RBM10: variants seen among roughly 807,000 people sequenced by gnomAD.
The protein encoded by RBM10 is RNA-binding protein 10.
RBM10 carries 1 observed loss-of-function variant against 84.9 expected under a neutral mutation model. The observed-to-expected ratio is 0.01, with a 90% confidence interval of 0.00 to 0.06. The LOEUF is 0.06. RBM10 is among the 10% of genes least tolerant of loss of function. The pLI is 1.00. For synonymous variants in RBM10, 326 were observed against 344.5 expected, an observed-to-expected ratio of 0.95 and a Z score of 0.60; for missense variants, 438 against 839.0, an observed-to-expected ratio of 0.52 and a Z score of 5.90.
At chrX:47,155,385 A>T (rs1437524407) in intron 2 of RBM10, among the ~76,000 whole-genome samples, 1 of 110,781 alleles carries the variant, frequency 9.0e-6, no homozygotes, top group African/African-American at 3.3e-5. Flanking sequence ...ACTTATCTTT[A>T]TGGTGTTTTC....
rs2147212073 is a variant in RBM10 at position 47,185,223 on chromosome X, C to G, written c.2100+19C>G. 1 of 1,212,467 alleles carries G rather than the reference C, an allele frequency of 8.2e-7. No homozygotes were observed. Among genetic ancestry groups the G allele is most frequent in the Non-Finnish European group, 1.1e-6 (1 of 895,599 alleles). ...GAAGAAGGTGTGTTGGGGCCACCCCCCTGCACCCTGCCCCACAATCTTGTC... is the reference window on the plus strand; with the variant it reads ...GAAGAAGGTGTGTTGGGGCCACCCCGCTGCACCCTGCCCCACAATCTTGTC... On this transcript the variant is annotated intron_variant, in intron 18 of 23. Transcript: ENST00000377604.
chrX:47,168,610 C>T lies in RBM10; in HGVS notation c.18-705C>T, dbSNP rs1448969709. Among the ~76,000 whole-genome samples the T allele has an allele frequency of 9.0e-5, 10 of 110,660 alleles. No homozygotes were observed. In the Admixed American group the frequency reaches 9.7e-4, roughly 11 times the overall value. On this transcript the variant is annotated intron_variant, in intron 2 of 23. Coordinates refer to ENST00000377604, the MANE Select transcript of RBM10 (RefSeq NM_005676.5). ...TGAGATCATTATTTTACAGTTATTG[C>T]GGTAGGAGAAATTTTAATGAAAGAG...
rs376441587 is a variant in RBM10 at position 47,161,536 on chromosome X, T to TGAGAGAGA, written c.18-7761_18-7754dup. Among the ~76,000 whole-genome samples, 176 of 62,161 alleles carry TGAGAGAGA rather than the reference T, an allele frequency of 2.8e-3. 2 individuals carry two copies. Among genetic ancestry groups the TGAGAGAGA allele is most frequent in the African/African-American group, 9.7e-3 (133 of 13,765 alleles). 54.0% of individuals were successfully genotyped at this position (62,161 alleles called of 115,157 possible). On this transcript the variant is annotated intron_variant, in intron 2 of 23. Transcript: ENST00000377604. ...TAGTTTTTTTTTTTTTTTTTTTTAGTGAGAGAGAGAGAGAGAGAGAGAGAG... is the reference window on the plus strand; with the variant it reads ...TAGTTTTTTTTTTTTTTTTTTTTAGTGAGAGAGAGAGAGAGAGAGAGAGAGAGAGAGAG...
In RBM10 at chrX:47,179,460, A is replaced by C; in HGVS notation, c.866A>C (p.Gln289Pro). The C allele has an allele frequency of 1.7e-6, 2 of 1,202,689 alleles. No individual in the cohort carries two copies. Among genetic ancestry groups the C allele is most frequent in the Non-Finnish European group, 2.2e-6 (2 of 894,675 alleles). ...QGVLASQALS[Q>P]GSEPSSENAN... ...GTCCTGGCCTCCCAAGCCCTGTCAC[A>C]GGGCTCGGAGCCAAGCTCAGAGAAC... The change falls in exon 9 of 24, where the codon CAG becomes CCG. Residue 289 changes from glutamine to proline, a missense_variant. Coordinates refer to ENST00000377604, the MANE Select transcript of RBM10 (RefSeq NM_005676.5).
At chrX:47,175,955 G>A (rs1045356148) in intron 6 of RBM10, among the ~76,000 whole-genome samples, 5 of 112,787 alleles carry the variant, frequency 4.4e-5, no homozygotes, top group South Asian at 7.2e-4. Flanking sequence ...CCCTGGGGCC[G>A]TCTCCTCGGG....
intron 2 of RBM10, among the ~76,000 whole-genome samples, chrX:47,156,099 G>A (rs1336309849): frequency 9.1e-6 from 1 of 110,222 alleles, no homozygotes; most frequent in Non-Finnish European, 1.9e-5. Context: ...GTGAGCCACC[G>A]TGCCCAGCCC....
rs1935946232 is a variant in RBM10, at chrX:47,186,765, T to A, written c.*166T>A. 1 of 653,147 alleles carries A rather than the reference T, an allele frequency of 1.5e-6. No individual in the cohort carries two copies. Among genetic ancestry groups the A allele is most frequent in the African/African-American group, 2.2e-5 (1 of 45,764 alleles). The allele number at this position is 653,147 out of a possible 1,213,427, so 53.8% of individuals were successfully genotyped here. On this transcript the variant is annotated 3_prime_UTR_variant, in exon 24 of 24. Transcript: ENST00000377604. ...TGAGGTGGTGACTTTTGTTGGAAAA[T>A]TGGGCTGGGATCACGTCCTGTTTTG... is the stretch of plus-strand genomic sequence containing the variant.
intron 17 of RBM10, among the ~76,000 whole-genome samples, chrX:47,182,568 G>A (rs782496413): frequency 2.6e-5 from 3 of 113,407 alleles, no homozygotes; most frequent in East Asian, 5.6e-4. Flanking sequence ...TGTGCCATCC[G>A]AGTGAGCCCT....
chrX:47,154,288 T>TA (rs1291974557), intron 2 of RBM10, among the ~76,000 whole-genome samples: 1 of 111,642 alleles, frequency 9.0e-6, no homozygotes, highest in Non-Finnish European at 1.9e-5. Context: ...TCTATCCAAA[T>TA]ATGTTCCCTT....
chrX:47,174,927 C>T (rs1446809206), intron 5 of RBM10, 92 bp from the exon 6 acceptor site: 14 of 664,592 alleles, frequency 2.1e-5, no homozygotes, highest in African/African-American at 4.3e-5. Context: ...CTCTGCCCCC[C>T]GTCCTCTCCC....
In RBM10 at chrX:47,145,325, G is replaced by A; in HGVS notation, c.-286G>A. On this transcript the variant is annotated 5_prime_UTR_variant, in exon 1 of 24. Transcript: ENST00000377604. ...TAGGCGGCAGTGAGTTTCCCTGGGAGGGCAGCGCGCTTGGCGCTTCTCCCC... is the reference window on the plus strand; with the variant it reads ...TAGGCGGCAGTGAGTTTCCCTGGGAAGGCAGCGCGCTTGGCGCTTCTCCCC... 5.1e-6 allele frequency: 4 copies of A among 787,063 alleles called. No homozygotes were observed. The highest frequency in any genetic ancestry group is 5.6e-6 in the Non-Finnish European group (3 of 537,109). 64.9% of individuals were successfully genotyped at this position (787,063 alleles called of 1,213,427 possible). A position where few individuals can be genotyped will look rare whatever the true frequency, so the allele number is the denominator to read the frequency against.
In RBM10 at chrX:47,179,974, C is replaced by G; in HGVS notation, c.996C>G (p.Arg332=). ...CGGTGCTGTCCTCCTCCAACGTGCG[C>G]GTCATAAAGGACAAGCAGACCCAAC... is the stretch of plus-strand genomic sequence containing the variant. ...PYAVLSSSNV[R]VIKDKQTQLN... Residue 332 remains arginine (R), a synonymous_variant, in exon 10 of 24, where the codon CGC becomes CGG. Transcript: ENST00000377604. 3.3e-6 allele frequency: 4 copies of G among 1,211,416 alleles called. No homozygotes were observed. The highest frequency in any genetic ancestry group is 4.5e-6 in the Non-Finnish European group (4 of 895,262).
In RBM10 at chrX:47,186,754, T is replaced by C. The variant is rs1249864756; in HGVS notation, c.*155T>C. 3 of 726,373 alleles carry C rather than the reference T, an allele frequency of 4.1e-6. No homozygotes were observed. Among genetic ancestry groups the C allele is most frequent in the Non-Finnish European group, 6.3e-6 (3 of 478,326 alleles). 59.9% of individuals were successfully genotyped at this position (726,373 alleles called of 1,213,427 possible). A position where few individuals can be genotyped will look rare whatever the true frequency, so the allele number is the denominator to read the frequency against. On this transcript the variant is annotated 3_prime_UTR_variant, in exon 24 of 24. Coordinates refer to ENST00000377604, the MANE Select transcript of RBM10 (RefSeq NM_005676.5). ...CCAAATCAAATTGAGGTGGTGACTTTTGTTGGAAAATTGGGCTGGGATCAC... is the reference window on the plus strand; with the variant it reads ...CCAAATCAAATTGAGGTGGTGACTTCTGTTGGAAAATTGGGCTGGGATCAC...
rs990995623 is a variant in RBM10 at position 47,145,238 on chromosome X, C to T, written c.-373C>T. ...GCTTCCTTAGTAGGTGGATGGTGGT[C>T]GGAGCGCCGACTCCCTTCTCGTCGT... is the stretch of plus-strand genomic sequence containing the variant. On this transcript the variant is annotated 5_prime_UTR_variant, in exon 1 of 24. Transcript: ENST00000377604. 3 of 464,547 alleles carry T rather than the reference C, an allele frequency of 6.5e-6. No individual in the cohort carries two copies. Among genetic ancestry groups the T allele is most frequent in the Non-Finnish European group, 1.1e-5 (3 of 264,575 alleles). The allele number at this position is 464,547 out of a possible 1,213,427, so 38.3% of individuals were successfully genotyped here. A position where few individuals can be genotyped will look rare whatever the true frequency, so the allele number is the denominator to read the frequency against.
At chrX:47,149,342 G>T (rs782235021) in intron 2 of RBM10, among the ~76,000 whole-genome samples, 36 of 106,167 alleles carry the variant, frequency 3.4e-4, no homozygotes, top group East Asian at 1.2e-3. Flanking sequence ...GTTTTTTTTT[G>T]TTTGTTTGTT....
At chrX:47,149,516 A>G (rs984399175) in intron 2 of RBM10, among the ~76,000 whole-genome samples, 1 of 110,068 alleles carries the variant, frequency 9.1e-6, no homozygotes, top group East Asian at 2.9e-4. Flanking sequence ...ATGTGCCACC[A>G]CGCCTGGCTA....
intron 2 of RBM10, among the ~76,000 whole-genome samples, chrX:47,168,487 G>A (rs1015984764): frequency 9.0e-6 from 1 of 111,299 alleles, no homozygotes; most frequent in Non-Finnish European, 1.9e-5. Flanking sequence ...GGTTGAGGCT[G>A]CAGTGAGCCC....
intron 3 of RBM10, among the ~76,000 whole-genome samples, chrX:47,169,825 T>C: frequency 8.9e-6 from 1 of 112,185 alleles, no homozygotes; most frequent in Non-Finnish European, 1.9e-5. Context: ...CTTGGGCACT[T>C]GAAGAGCCTC....
intron 2 of RBM10, among the ~76,000 whole-genome samples, chrX:47,162,120 C>T (rs1277749287): frequency 1.8e-5 from 2 of 112,667 alleles, no homozygotes; most frequent in African/African-American, 3.2e-5. Flanking sequence ...GGATTACAGG[C>T]GTGAGCCACT....
Sources: gnomAD v4.1 joint callset for allele counts (sites outside exome capture counted in the v4.1 genomes callset) on GRCh38, gnomAD v4.1.1 for gene constraint, MANE v1.5 for transcripts, NCBI Gene and HGNC (gene_info 2026-07-23, HGNC 2026-07-21) for gene names.